NCMAP: variants seen among roughly 807,000 people sequenced by gnomAD.
NCMAP encodes the protein non-compact myelin associated protein, also known as noncompact myelin-associated protein.
NCMAP carries 8 observed loss-of-function variants against 7.8 expected under a neutral mutation model. The ratio of observed to expected loss-of-function variants is 1.02; its 90% CI spans 0.60 to 1.84. The LOEUF (loss-of-function observed/expected upper bound fraction) is 1.84. Ranked by LOEUF, NCMAP falls within the 40% of genes most tolerant of loss-of-function variation. NCMAP has a pLI of 0.00. For synonymous variants in NCMAP, 41 were observed against 52.9 expected (o/e 0.78, Z 0.98); for missense variants, 112 against 131.4 (o/e 0.85, Z 0.72).
At chr1:24,591,236 G>A (rs1008998915) in intron 1 of NCMAP, among the ~76,000 whole-genome samples, 10 of 152,158 alleles carry the variant, frequency 6.6e-5, no homozygotes, top group African/African-American at 2.2e-4. Context: ...AGTATGAGTA[G>A]GAGTCTTCCT....
chr1:24,582,574 G>T (rs938251520), intron 1 of NCMAP, among the ~76,000 whole-genome samples: 17 of 152,122 alleles, frequency 1.1e-4, no homozygotes, highest in African/African-American at 3.6e-4. Flanking sequence ...CTACGCTGCT[G>T]GTCTGAAGAT....
intron 1 of NCMAP, among the ~76,000 whole-genome samples, chr1:24,577,401 G>GTTTTTTTTTGTTTTTTTTTTTTTTTTTTT (rs1651605073): frequency 5.0e-5 from 2 of 39,958 alleles, no homozygotes; most frequent in African/African-American, 1.1e-4. Context: ...CACTGGCCTT[G>GTTTTTTTTTGTTTTTTTTTTTTTTTTTTT]TTTTTTTTTT....
intron 1 of NCMAP, among the ~76,000 whole-genome samples, chr1:24,595,162 C>A (rs1011229607): frequency 6.6e-6 from 1 of 152,102 alleles, no homozygotes; most frequent in Non-Finnish European, 1.5e-5. Flanking sequence ...AGAGATTGAT[C>A]CAGATATTTG....
rs117006916 is a variant in NCMAP, at chr1:24,575,212, G to A, written c.-8+19043G>A. ...GGCGACAGAGTGAGACTTTGTCTCAGATAAAAAAAGATGTTTTAATTTCTT... is the reference window on the plus strand; with the variant it reads ...GGCGACAGAGTGAGACTTTGTCTCAAATAAAAAAAGATGTTTTAATTTCTT... On this transcript the variant is annotated intron_variant, in intron 1 of 3. Transcript: ENST00000374392. Among the ~76,000 whole-genome samples the A allele has an allele frequency of 2.4e-3, 367 of 151,896 alleles. 6 individuals carry two copies. In the East Asian group the frequency reaches 0.031, roughly 13 times the overall value.
At chr1:24,601,053 C>A in intron 3 of NCMAP, 29 bp downstream of exon 3, 2 of 1,585,780 alleles carry the variant, frequency 1.3e-6, no homozygotes, top group Non-Finnish European at 1.7e-6. Flanking sequence ...TTGGAACTGC[C>A]TGGACGGTCC....
chr1:24,584,939 G>A (rs1040999912), intron 1 of NCMAP, among the ~76,000 whole-genome samples: 12 of 144,436 alleles, frequency 8.3e-5, no homozygotes, highest in East Asian at 2.1e-4. Flanking sequence ...ACAGAAGAAC[G>A]GGTGGAAGGA....
At chr1:24,564,710 G>A (rs1262314688) in intron 1 of NCMAP, among the ~76,000 whole-genome samples, 1 of 152,026 alleles carries the variant, frequency 6.6e-6, no homozygotes, top group African/African-American at 2.4e-5. Context: ...CAGTAGAAAA[G>A]AATAAGGAAA....
rs572171599 is a variant in NCMAP at position 24,569,057 on chromosome 1, A to G, written c.-8+12888A>G. On this transcript the variant is annotated intron_variant, in intron 1 of 3. Transcript: ENST00000374392. ...TTTTGGAGACTTGCTCTGTCGCCCA[A>G]TGGTGCGATCTCAGCTCACTGCAAC... Among the ~76,000 whole-genome samples the G allele has an allele frequency of 8.2e-4, 124 of 152,020 alleles. 1 individual carries two copies. Among genetic ancestry groups the G allele is most frequent in the African/African-American group, 2.8e-3 (117 of 41,448 alleles).
chr1:24,596,609 C>T (rs1442186951), intron 2 of NCMAP, among the ~76,000 whole-genome samples: 1 of 152,126 alleles, frequency 6.6e-6, no homozygotes, highest in African/African-American at 2.4e-5. Context: ...TCGCTTGAGC[C>T]TGGGAGGTCG....
intron 1 of NCMAP, among the ~76,000 whole-genome samples, chr1:24,582,068 C>T (rs1570526789): frequency 6.6e-6 from 1 of 152,288 alleles, no homozygotes; most frequent in African/African-American, 2.4e-5. Context: ...TATTCCCCTA[C>T]CCCAGCTGGC....
At chr1:24,590,063 G>A (rs866847457) in intron 1 of NCMAP, among the ~76,000 whole-genome samples, 3 of 152,158 alleles carry the variant, frequency 2.0e-5, no homozygotes, top group Non-Finnish European at 4.4e-5. Flanking sequence ...GCCTCCCAAA[G>A]TGCTGGGATT....
At chr1:24,584,592 C>G (rs1014751955) in intron 1 of NCMAP, among the ~76,000 whole-genome samples, 1 of 151,992 alleles carries the variant, frequency 6.6e-6, no homozygotes, top group Non-Finnish European at 1.5e-5. Flanking sequence ...CTTCTGGAGC[C>G]ACAGGCTGCG....
At position 24,559,712 on chromosome 1, in the gene NCMAP, C is replaced by A. The variant is rs536374217; in HGVS notation, c.-8+3543C>A. Among the ~76,000 whole-genome samples the A allele has an allele frequency of 4.6e-5, 7 of 152,316 alleles. No homozygotes were observed. In the East Asian group the frequency reaches 1.4e-3, roughly 29 times the overall value. ...TTGCGGGGCTGGTACCTGCTTGGGG[C>A]CTCTGGGCTTGGAGGGCTTTGCTCC... is the stretch of plus-strand genomic sequence containing the variant. On this transcript the variant is annotated intron_variant, in intron 1 of 3. Coordinates refer to ENST00000374392, the MANE Select transcript of NCMAP (RefSeq NM_001010980.5).
chr1:24,589,854 G>A (rs914749066), intron 1 of NCMAP, among the ~76,000 whole-genome samples: 1 of 152,134 alleles, frequency 6.6e-6, no homozygotes, highest in African/African-American at 2.4e-5. Context: ...ACAGAGTCTT[G>A]TTCTGTCACC....
intron 1 of NCMAP, among the ~76,000 whole-genome samples, chr1:24,595,116 T>C (rs2148935662): frequency 6.6e-6 from 1 of 152,274 alleles, no homozygotes; most frequent in East Asian, 1.9e-4. Context: ...ATTTCACCAG[T>C]AAAATGGCAA....
intron 1 of NCMAP, among the ~76,000 whole-genome samples, chr1:24,589,186 A>G (rs1651973348): frequency 1.3e-5 from 2 of 151,650 alleles, no homozygotes; most frequent in African/African-American, 4.8e-5. Flanking sequence ...CCGGACACAT[A>G]GCGCATTATT....
chr1:24,582,955 T>A (rs1048355747), intron 1 of NCMAP, among the ~76,000 whole-genome samples: 2 of 152,232 alleles, frequency 1.3e-5, no homozygotes, highest in African/African-American at 4.8e-5. Context: ...AACTGGCACG[T>A]AAAAGACACT....
chr1:24,596,550 G>T (rs1178388267), intron 2 of NCMAP, among the ~76,000 whole-genome samples: 2 of 152,026 alleles, frequency 1.3e-5, no homozygotes, highest in African/African-American at 4.8e-5. Context: ...AGGCATGGTG[G>T]TGACGCTCCT....
intron 1 of NCMAP, among the ~76,000 whole-genome samples, chr1:24,561,603 C>T (rs1050332329): frequency 6.6e-6 from 1 of 151,994 alleles, no homozygotes; most frequent in African/African-American, 2.4e-5. Context: ...ACAGTACTGC[C>T]TTGAGCAAGA....
Sources: gnomAD v4.1 joint callset for allele counts (sites outside exome capture counted in the v4.1 genomes callset) on GRCh38, gnomAD v4.1.1 for gene constraint, MANE v1.5 for transcripts, NCBI Gene and HGNC (gene_info 2026-07-23, HGNC 2026-07-21) for gene names.